The following SHISA9 variants were observed in gnomAD, a reference collection of about 807,000 sequenced individuals.
SHISA9 encodes the protein protein shisa-9.
Under a neutral mutation model 38.0 loss-of-function variants are expected in SHISA9, and 13 were observed. The observed-to-expected ratio is 0.34, with a 90% CI of 0.22 to 0.54. SHISA9 has a LOEUF of 0.54. Ranked by LOEUF, SHISA9 falls within the 20% of genes least tolerant of loss-of-function variation. The pLI is 0.91. For missense variants in SHISA9, 538 were observed against 575.8 expected, an observed-to-expected ratio of 0.93 and a Z score of 0.67; for synonymous variants, 275 against 242.0, an observed-to-expected ratio of 1.14 and a Z score of -1.27.
At chr16:13,048,323 A>G (rs1183206128) in intron 2 of SHISA9, among the ~76,000 whole-genome samples, 3 of 152,256 alleles carry the variant, frequency 2.0e-5, no homozygotes, top group African/African-American at 7.2e-5. Context: ...TCAGCATGAT[A>G]TGGAGCCAGG....
At chr16:13,116,843 T>C (rs1181273941) in intron 2 of SHISA9, among the ~76,000 whole-genome samples, 1 of 152,226 alleles carries the variant, frequency 6.6e-6, no homozygotes, top group Non-Finnish European at 1.5e-5. Context: ...ACAGCATTAT[T>C]AGTGACCATG....
chr16:13,437,537 G>A, the SHISA9 span, among the ~76,000 whole-genome samples: 1 of 152,174 alleles, frequency 6.6e-6, no homozygotes, highest in Non-Finnish European at 1.5e-5. Context: ...GCCCGGATGA[G>A]ACCCAGCCTG....
chr16:13,471,159 G>A, the SHISA9 span, among the ~76,000 whole-genome samples: 2 of 152,028 alleles, frequency 1.3e-5, no homozygotes, highest in Admixed American at 1.3e-4. Flanking sequence ...GTTTTTCTGT[G>A]TATGTCTGAG....
chr16:13,183,618 T>C (rs763959559), intron 2 of SHISA9, among the ~76,000 whole-genome samples: 3 of 152,262 alleles, frequency 2.0e-5, no homozygotes, highest in Non-Finnish European at 4.4e-5. Context: ...TAAGTCTCTA[T>C]AAAGTGCCCT....
chr16:13,502,871 G>C, the SHISA9 span, among the ~76,000 whole-genome samples: 3 of 151,810 alleles, frequency 2.0e-5, no homozygotes, highest in Non-Finnish European at 2.9e-5. Flanking sequence ...AGTGAGACCT[G>C]TCTCGAAAAA....
rs866892799 is a variant in SHISA9, at chr16:13,134,709, G to A, written c.692-68685G>A. 2.5e-4 allele frequency among the ~76,000 whole-genome samples: 38 copies of A among 152,184 alleles called. No individual in the cohort carries two copies. The Middle Eastern group carries it at 0.01, about 41-fold the overall frequency. ...TTATGCCTCGTAGTTGATGAGAGGT[G>A]TTTCAGTCAGTCTAGGCTAAGTTAT... is the stretch of plus-strand genomic sequence containing the variant. On this transcript the variant is annotated intron_variant, in intron 2 of 4. Coordinates refer to ENST00000558583, the MANE Select transcript of SHISA9 (RefSeq NM_001145204.3).
At chr16:13,155,283 G>C (rs901577178) in intron 2 of SHISA9, among the ~76,000 whole-genome samples, 1 of 152,140 alleles carries the variant, frequency 6.6e-6, no homozygotes, top group African/African-American at 2.4e-5. Flanking sequence ...GGAATACTTG[G>C]ATATCACAGA....
chr16:13,244,697 G>T (rs1349829085), downstream of SHISA9, among the ~76,000 whole-genome samples: 1 of 152,176 alleles, frequency 6.6e-6, no homozygotes, highest in Non-Finnish European at 1.5e-5. Flanking sequence ...CCGACTACAT[G>T]GGGTTTGTCG....
the SHISA9 span, among the ~76,000 whole-genome samples, chr16:13,316,601 T>A: frequency 1.3e-5 from 2 of 152,294 alleles, no homozygotes; most frequent in East Asian, 3.9e-4. Context: ...ATGACTTCAA[T>A]AACTTTCACT....
chr16:12,934,518 G>T (rs1160754468), intron 2 of SHISA9, among the ~76,000 whole-genome samples: 1 of 152,114 alleles, frequency 6.6e-6, no homozygotes, highest in African/African-American at 2.4e-5. Context: ...TGATATATAG[G>T]GGAAATAATG....
chr16:13,071,469 A>G (rs766444572), intron 2 of SHISA9, among the ~76,000 whole-genome samples: 105 of 151,920 alleles, frequency 6.9e-4, no homozygotes, highest in Middle Eastern at 3.4e-3. Context: ...GAGGTTATAC[A>G]TGGGTTAGTG....
intron 3 of SHISA9, among the ~76,000 whole-genome samples, chr16:13,205,998 CA>C (rs1452866616): frequency 1.3e-5 from 2 of 151,284 alleles, no homozygotes; most frequent in African/African-American, 4.9e-5. Context: ...CTCCTGACTT[CA>C]AATGATTTTC....
chr16:13,496,661 A>G, the SHISA9 span, among the ~76,000 whole-genome samples: 1 of 152,156 alleles, frequency 6.6e-6, no homozygotes, highest in Non-Finnish European at 1.5e-5. Flanking sequence ...GGAAACAATA[A>G]TTATCGTCTG....
At chr16:13,290,547 G>A in the SHISA9 span, among the ~76,000 whole-genome samples, 1 of 152,138 alleles carries the variant, frequency 6.6e-6, no homozygotes, top group African/African-American at 2.4e-5. Context: ...TGTTATCCAG[G>A]ATGATTAATC....
At chr16:13,306,285 T>C in the SHISA9 span, among the ~76,000 whole-genome samples, 12 of 152,126 alleles carry the variant, frequency 7.9e-5, no homozygotes, top group African/African-American at 2.7e-4. Flanking sequence ...TGGATTTTGT[T>C]GTTGTTGTTC....
chr16:12,990,985 A>G (rs1231767309), intron 2 of SHISA9, among the ~76,000 whole-genome samples: 1 of 151,802 alleles, frequency 6.6e-6, no homozygotes, highest in Non-Finnish European at 1.5e-5. Flanking sequence ...AAATACAGAA[A>G]TATTATTCTT....
intron 4 of SHISA9, among the ~76,000 whole-genome samples, chr16:13,233,920 C>A (rs2051356215): frequency 6.6e-6 from 1 of 152,028 alleles, no homozygotes; most frequent in South Asian, 2.1e-4. Flanking sequence ...GGAGAATCAT[C>A]TGAACCTAGG....
At chr16:13,259,062 G>T in the SHISA9 span, among the ~76,000 whole-genome samples, 1 of 152,162 alleles carries the variant, frequency 6.6e-6, no homozygotes, top group African/African-American at 2.4e-5. Flanking sequence ...CTGCCTATGA[G>T]CCTGTAAAAT....
intron 2 of SHISA9, among the ~76,000 whole-genome samples, chr16:13,133,789 C>G (rs1032365210): frequency 2.0e-5 from 3 of 152,172 alleles, no homozygotes; most frequent in Non-Finnish European, 4.4e-5. Context: ...ATCATCAATT[C>G]TATCAACTCG....
Sources: gnomAD v4.1 joint callset for allele counts (sites outside exome capture counted in the v4.1 genomes callset) on GRCh38, gnomAD v4.1.1 for gene constraint, MANE v1.5 for transcripts, NCBI Gene and HGNC (gene_info 2026-07-23, HGNC 2026-07-21) for gene names.